The following NALCN variants were observed in gnomAD, a reference collection of about 807,000 sequenced individuals.
The protein encoded by NALCN is sodium leak channel, non-selective.
In NALCN, 111 loss-of-function variants were observed where a neutral mutation model predicts 225.3. That is an observed-to-expected ratio of 0.49 (90% confidence interval 0.42 to 0.58). The LOEUF (loss-of-function observed/expected upper bound fraction) is 0.58. NALCN is among the 20% of genes least tolerant of loss of function. The pLI is 0.00. For missense variants in NALCN, 1,378 were observed against 2,202.4 expected (o/e 0.63, Z 7.49); for synonymous variants, 764 against 769.0 (o/e 0.99, Z 0.11).
chr13:101,215,302 C>T (rs1471172748), intron 13 of NALCN, among the ~76,000 whole-genome samples: 1 of 152,114 alleles, frequency 6.6e-6, no homozygotes, highest in Non-Finnish European at 1.5e-5. Context: ...AATCAATGTA[C>T]AAAAATGTTC....
chr13:101,228,763 T>G (rs746998431), intron 13 of NALCN, among the ~76,000 whole-genome samples: 1 of 152,216 alleles, frequency 6.6e-6, no homozygotes, highest in Non-Finnish European at 1.5e-5. Flanking sequence ...CAACTTAGGG[T>G]AAAAATATAT....
At chr13:101,273,118 C>T (rs2042852520) in intron 10 of NALCN, among the ~76,000 whole-genome samples, 1 of 152,172 alleles carries the variant, frequency 6.6e-6, no homozygotes, top group Non-Finnish European at 1.5e-5. Context: ...CAGAGACTTT[C>T]CTCATGGTAA....
chr13:101,217,628 G>C (rs139014661), intron 13 of NALCN, among the ~76,000 whole-genome samples: 1 of 152,260 alleles, frequency 6.6e-6, no homozygotes, highest in East Asian at 1.9e-4. Flanking sequence ...AGTGTTAAGT[G>C]CTCTTGGAGG....
chr13:101,260,683 G>A (rs1296878422), intron 10 of NALCN, among the ~76,000 whole-genome samples: 1 of 152,110 alleles, frequency 6.6e-6, no homozygotes, highest in Admixed American at 6.6e-5. Context: ...TTTGAGAAAT[G>A]TCTATTCAAA....
intron 14 of NALCN, among the ~76,000 whole-genome samples, chr13:101,183,922 T>C (rs2039345595): frequency 1.3e-5 from 2 of 152,214 alleles, no homozygotes; most frequent in African/African-American, 2.4e-5. Context: ...TGTACAATGC[T>C]GTAAAAAAGA....
intron 41 of NALCN, among the ~76,000 whole-genome samples, chr13:101,060,519 G>C (rs1254826268): frequency 7.9e-6 from 1 of 126,184 alleles, no homozygotes; most frequent in Non-Finnish European, 1.6e-5. Flanking sequence ...TCAAACTTCT[G>C]GTCTTAAGCG....
At chr13:101,122,878 T>A (rs115200105) in intron 18 of NALCN, among the ~76,000 whole-genome samples, 1 of 152,200 alleles carries the variant, frequency 6.6e-6, no homozygotes, top group Non-Finnish European at 1.5e-5. Flanking sequence ...CATAAAACTG[T>A]CACCTGGATA....
At chr13:101,233,608 G>A (rs1049090613) in intron 12 of NALCN, among the ~76,000 whole-genome samples, 1 of 152,082 alleles carries the variant, frequency 6.6e-6, no homozygotes, top group African/African-American at 2.4e-5. Context: ...CCAAAGTGCT[G>A]GGATTACAGG....
chr13:101,161,201 T>C (rs1158524658), intron 15 of NALCN, among the ~76,000 whole-genome samples: 1 of 152,166 alleles, frequency 6.6e-6, no homozygotes, highest in East Asian at 1.9e-4. Flanking sequence ...TAATTGAGAA[T>C]TACATTGAAT....
chr13:101,285,269 A>G (rs1039032202), intron 9 of NALCN, among the ~76,000 whole-genome samples: 1 of 152,142 alleles, frequency 6.6e-6, no homozygotes, highest in Admixed American at 6.6e-5. Flanking sequence ...ACAGTTGCCA[A>G]AAATCACAGT....
chr13:101,121,252 G>A (rs1594248692), intron 18 of NALCN, among the ~76,000 whole-genome samples: 1 of 152,048 alleles, frequency 6.6e-6, no homozygotes, highest in African/African-American at 2.4e-5. Context: ...ATAGACAAGA[G>A]AGCTGAGAAT....
intron 27 of NALCN, among the ~76,000 whole-genome samples, chr13:101,098,782 C>T (rs970485166): frequency 3.3e-5 from 5 of 151,832 alleles, no homozygotes; most frequent in Admixed American, 1.3e-4. Flanking sequence ...TTTTTGGCCT[C>T]GGCCTCGGCC....
At chr13:101,268,991 A>G (rs1310318918) in intron 10 of NALCN, among the ~76,000 whole-genome samples, 1 of 152,188 alleles carries the variant, frequency 6.6e-6, no homozygotes, top group Non-Finnish European at 1.5e-5. Context: ...CAATTAACTA[A>G]CCTATAATTT....
At chr13:101,152,257 A>G (rs1032280227) in intron 15 of NALCN, among the ~76,000 whole-genome samples, 5 of 152,196 alleles carry the variant, frequency 3.3e-5, no homozygotes, top group Admixed American at 6.5e-5. Context: ...CATGTGCTGT[A>G]TCCTGGCTGG....
At chr13:101,177,916 G>A (rs2039027464) in intron 14 of NALCN, among the ~76,000 whole-genome samples, 1 of 152,154 alleles carries the variant, frequency 6.6e-6, no homozygotes, top group African/African-American at 2.4e-5. Context: ...GGATATGCTT[G>A]GCTTGGGACA....
intron 3 of NALCN, among the ~76,000 whole-genome samples, chr13:101,385,567 G>A (rs2046964508): frequency 6.6e-6 from 1 of 152,168 alleles, no homozygotes; most frequent in African/African-American, 2.4e-5. Context: ...CTTTGCACGT[G>A]TGCCAATGGA....
At chr13:101,302,439 A>T (rs1025938762) in intron 7 of NALCN, among the ~76,000 whole-genome samples, 2 of 152,230 alleles carry the variant, frequency 1.3e-5, no homozygotes, top group Non-Finnish European at 2.9e-5. Context: ...ATCCAATTTT[A>T]AAAAATCCGA....
At chr13:101,073,416 T>G (rs1172690765) in intron 37 of NALCN, among the ~76,000 whole-genome samples, 168 bp downstream of exon 37, 3 of 152,218 alleles carry the variant, frequency 2.0e-5, no homozygotes, top group African/African-American at 7.2e-5. Context: ...GCCCTAAATA[T>G]TCACACATTG....
intron 11 of NALCN, among the ~76,000 whole-genome samples, chr13:101,252,227 G>T (rs764402462): frequency 7.9e-5 from 12 of 152,056 alleles, no homozygotes; most frequent in Non-Finnish European, 1.8e-4. Context: ...CCATCACCAA[G>T]CACAACTGCC....
Sources: gnomAD v4.1 joint callset for allele counts (sites outside exome capture counted in the v4.1 genomes callset) on GRCh38, gnomAD v4.1.1 for gene constraint, MANE v1.5 for transcripts, NCBI Gene and HGNC (gene_info 2026-07-23, HGNC 2026-07-21) for gene names.